Variants in PIK3CB observed in about 807,000 individuals in gnomAD.
PIK3CB encodes the protein phosphatidylinositol 4,5-bisphosphate 3-kinase catalytic subunit beta isoform.
PIK3CB carries 39 observed loss-of-function variants against 136.8 expected under a neutral mutation model. The ratio of observed to expected loss-of-function variants is 0.29; its 90% CI spans 0.22 to 0.37. PIK3CB has a LOEUF of 0.37. PIK3CB is among the 10% of genes least tolerant of loss of function. The pLI is 1.00. For synonymous variants in PIK3CB, 428 were observed against 436.6 expected, an observed-to-expected ratio of 0.98 and a Z score of 0.25; for missense variants, 868 against 1,275.4, an observed-to-expected ratio of 0.68 and a Z score of 4.87.
At chr3:138,830,871 T>C (rs1212847) in intron 1 of PIK3CB, among the ~76,000 whole-genome samples, 4 of 149,536 alleles carry the variant, frequency 2.7e-5, no homozygotes, top group East Asian at 4.0e-4. Flanking sequence ...CACTGCACTC[T>C]AGCCTGGGCA....
chr3:138,665,347 A>C (rs896198775), intron 19 of PIK3CB, 144 bp from the exon 20 acceptor site: 2 of 524,508 alleles, frequency 3.8e-6, no homozygotes, highest in African/African-American at 3.9e-5. Flanking sequence ...ATGGAAAAAC[A>C]CAAGTTCCAC....
At chr3:138,812,847 A>G (rs1163780564) in intron 1 of PIK3CB, among the ~76,000 whole-genome samples, 3 of 152,150 alleles carry the variant, frequency 2.0e-5, no homozygotes, top group Non-Finnish European at 4.4e-5. Context: ...AGACTCTTGT[A>G]ATGGAACTAT....
intron 2 of PIK3CB, among the ~76,000 whole-genome samples, chr3:138,774,590 T>G (rs1474147631): frequency 6.6e-6 from 1 of 152,208 alleles, no homozygotes; most frequent in Admixed American, 6.5e-5. Flanking sequence ...AGTACCATCA[T>G]GACAATCAGG....
At position 138,808,166 on chromosome 3, in the gene PIK3CB, G is replaced by A. The variant is rs573649137; in HGVS notation, c.-121-11599C>T. On this transcript the variant is annotated intron_variant, in intron 1 of 23. Coordinates refer to ENST00000674063, the MANE Select transcript of PIK3CB (RefSeq NM_006219.3). ...GAGCTTTTTATCCACTGCTCAGCAAGTTCCAAAATTTCATTTTACCATTTC... is the reference window on the plus strand; with the variant it reads ...GAGCTTTTTATCCACTGCTCAGCAAATTCCAAAATTTCATTTTACCATTTC... Among the ~76,000 whole-genome samples the A allele has an allele frequency of 1.3e-4, 20 of 152,170 alleles. 1 individual carries two copies. The South Asian group carries it at 2.5e-3, about 19-fold the overall frequency.
chr3:138,744,574 T>G (rs912283019), intron 4 of PIK3CB, among the ~76,000 whole-genome samples: 2 of 151,894 alleles, frequency 1.3e-5, no homozygotes, highest in African/African-American at 4.8e-5. Flanking sequence ...GCAGGCATAC[T>G]GTATGTAACT....
chr3:138,782,978 A>G (rs945708580), intron 2 of PIK3CB, among the ~76,000 whole-genome samples: 4 of 152,208 alleles, frequency 2.6e-5, no homozygotes, highest in Admixed American at 2.6e-4. Context: ...AGTCAGTCCA[A>G]TATCACTGTT....
At chr3:138,795,186 G>C (rs890989610) in intron 2 of PIK3CB, among the ~76,000 whole-genome samples, 2 of 151,720 alleles carry the variant, frequency 1.3e-5, no homozygotes, top group Admixed American at 1.3e-4. Flanking sequence ...CGACCATAGT[G>C]GTGGGTGCCT....
At chr3:138,774,084 T>C (rs1231468068) in intron 2 of PIK3CB, among the ~76,000 whole-genome samples, 1 of 152,200 alleles carries the variant, frequency 6.6e-6, no homozygotes, top group African/African-American at 2.4e-5. Context: ...CAGGAGAGCA[T>C]TTTCTGTTTT....
chr3:138,818,400 T>C (rs1418379009), intron 1 of PIK3CB, among the ~76,000 whole-genome samples: 1 of 152,226 alleles, frequency 6.6e-6, no homozygotes, highest in Non-Finnish European at 1.5e-5. Context: ...CTGTGTGACC[T>C]TGGGAAAGTT....
chr3:138,823,563 C>T (rs1933654203), intron 1 of PIK3CB, among the ~76,000 whole-genome samples: 2 of 151,866 alleles, frequency 1.3e-5, no homozygotes, highest in South Asian at 2.1e-4. Flanking sequence ...ATTAGCTGGG[C>T]GTGGTGGCGC....
At chr3:138,776,128 G>A (rs762846636) in intron 2 of PIK3CB, among the ~76,000 whole-genome samples, 16 of 152,096 alleles carry the variant, frequency 1.1e-4, no homozygotes, top group Non-Finnish European at 1.8e-4. Context: ...AACCCCGGAG[G>A]CAAAGGTTGC....
chr3:138,691,449 A>C lies in PIK3CB; in HGVS notation c.1893-306T>G, dbSNP rs181144055. 5.3e-5 allele frequency among the ~76,000 whole-genome samples: 8 copies of C among 152,278 alleles called. No individual in the cohort carries two copies. The East Asian group carries it at 1.4e-3, about 26-fold the overall frequency. On this transcript the variant is annotated intron_variant, in intron 14 of 23. Transcript: ENST00000674063. ...AATCTCACCTCAAATTATAATCCCTATAATTCCCACATGTCAAAGGAGCAT... is the reference window on the plus strand; with the variant it reads ...AATCTCACCTCAAATTATAATCCCTCTAATTCCCACATGTCAAAGGAGCAT...
At chr3:138,733,651 G>T (rs897153717) in intron 7 of PIK3CB, among the ~76,000 whole-genome samples, 6 of 152,168 alleles carry the variant, frequency 3.9e-5, no homozygotes, top group African/African-American at 1.4e-4. Flanking sequence ...GGCTGAGGCA[G>T]GTGGATCATG....
At chr3:138,780,241 G>A (rs2045908645) in intron 2 of PIK3CB, among the ~76,000 whole-genome samples, 1 of 151,850 alleles carries the variant, frequency 6.6e-6, no homozygotes, top group African/African-American at 2.4e-5. Context: ...TTACATGTGT[G>A]AGCCCACCAG....
intron 1 of PIK3CB, among the ~76,000 whole-genome samples, chr3:138,809,777 A>G (rs376065356): frequency 6.6e-6 from 1 of 152,142 alleles, no homozygotes; most frequent in East Asian, 1.9e-4. Context: ...AAATTTATAG[A>G]CATACGTATA....
chr3:138,795,819 C>T (rs9834963), intron 2 of PIK3CB, among the ~76,000 whole-genome samples: 90,489 of 151,908 alleles, frequency 0.6, 27,796 homozygotes, highest in East Asian at 0.98. Context: ...CTTCACTCCA[C>T]TGCAACCTGA....
At chr3:138,790,375 G>A (rs1212622993) in intron 2 of PIK3CB, among the ~76,000 whole-genome samples, 1 of 151,612 alleles carries the variant, frequency 6.6e-6, no homozygotes, top group African/African-American at 2.4e-5. Flanking sequence ...CATTTTGTGA[G>A]GCCAAGGTGG....
intron 1 of PIK3CB, among the ~76,000 whole-genome samples, chr3:138,799,217 G>T (rs1189326145): frequency 7.4e-6 from 1 of 135,620 alleles, no homozygotes; most frequent in African/African-American, 2.9e-5. Flanking sequence ...TCACTCTGTC[G>T]CCCAGGCTGG....
chr3:138,807,520 A>C lies in PIK3CB; in HGVS notation c.-121-10953T>G, dbSNP rs2046247401. On this transcript the variant is annotated intron_variant, in intron 1 of 23. Coordinates refer to ENST00000674063, the MANE Select transcript of PIK3CB (RefSeq NM_006219.3). ...GCCAATACACTATAAACTTTCTTAA[A>C]GTTTGTCAACAGAGGACTGGTTAGA... Among the ~76,000 whole-genome samples, 5 of 152,170 alleles carry C rather than the reference A, an allele frequency of 3.3e-5. No homozygotes were observed. In the South Asian group the frequency reaches 1.0e-3, roughly 31 times the overall value.
Sources: gnomAD v4.1 joint callset for allele counts (sites outside exome capture counted in the v4.1 genomes callset) on GRCh38, gnomAD v4.1.1 for gene constraint, MANE v1.5 for transcripts, NCBI Gene and HGNC (gene_info 2026-07-23, HGNC 2026-07-21) for gene names.